Variants in MALRD1 observed in about 807,000 individuals in gnomAD.
MALRD1 encodes the protein MAM and LDL receptor class A domain containing 1.
MALRD1 carries 247 observed loss-of-function variants against 242.1 expected under a neutral mutation model. The observed-to-expected ratio is 1.02, with a 90% CI of 0.92 to 1.13. MALRD1 has a LOEUF of 1.13. Ranked by LOEUF, MALRD1 falls within the 50% of genes most tolerant of loss-of-function variation. MALRD1 has a pLI of 0.00. For synonymous variants in MALRD1, 995 were observed against 866.6 expected (o/e 1.15, Z -2.60); for missense variants, 2,989 against 2,533.1 (o/e 1.18, Z -3.86).
At chr10:19,478,134 C>A (rs1427684908) in intron 29 of MALRD1, among the ~76,000 whole-genome samples, 13 of 152,184 alleles carry the variant, frequency 8.5e-5, no homozygotes, top group Admixed American at 7.9e-4. Context: ...CAAACTCCAT[C>A]AAAATAAATC....
chr10:19,223,838 G>A (rs1837665396), intron 18 of MALRD1, among the ~76,000 whole-genome samples: 2 of 152,108 alleles, frequency 1.3e-5, no homozygotes, highest in African/African-American at 2.4e-5. Context: ...TGAGAATGAT[G>A]GTTTCCAGCT....
At chr10:19,734,086 G>A (rs540940367) in intron 39 of MALRD1, 71 bp from the exon 40 acceptor site, 22 of 1,212,022 alleles carry the variant, frequency 1.8e-5, no homozygotes, top group Admixed American at 1.1e-4. Context: ...TGCATTCTGC[G>A]TGATCTTTAA....
intron 14 of MALRD1, among the ~76,000 whole-genome samples, chr10:19,185,119 G>A (rs1835681464): frequency 6.6e-6 from 1 of 152,054 alleles, no homozygotes; most frequent in African/African-American, 2.4e-5. Flanking sequence ...GTGTATACTG[G>A]AAAATGAAGA....
At chr10:19,669,038 A>G (rs1477963893) in intron 36 of MALRD1, among the ~76,000 whole-genome samples, 2 of 152,254 alleles carry the variant, frequency 1.3e-5, no homozygotes, top group Non-Finnish European at 2.9e-5. Context: ...AGCACTATCC[A>G]TAAAGATTAT....
chr10:19,687,649 C>T (rs554350326), intron 36 of MALRD1, among the ~76,000 whole-genome samples: 24 of 152,290 alleles, frequency 1.6e-4, no homozygotes, highest in African/African-American at 5.8e-4. Context: ...TGCTTTATCC[C>T]TTCAGGATTA....
chr10:19,067,699 GC>G (rs1387347734), intron 2 of MALRD1, among the ~76,000 whole-genome samples: 1 of 151,944 alleles, frequency 6.6e-6, no homozygotes, highest in Admixed American at 6.6e-5. Context: ...TAAGTTTTGA[GC>G]CTTAGTTTTC....
At chr10:19,458,610 G>A (rs1285177013) in intron 29 of MALRD1, among the ~76,000 whole-genome samples, 1 of 152,056 alleles carries the variant, frequency 6.6e-6, no homozygotes, top group Non-Finnish European at 1.5e-5. Context: ...TTTCTTTCCC[G>A]CATGTTTCCC....
chr10:19,165,244 T>A (rs1834627947), intron 12 of MALRD1, among the ~76,000 whole-genome samples: 1 of 93,386 alleles, frequency 1.1e-5, no homozygotes, highest in South Asian at 3.3e-4. Flanking sequence ...TTGTTTGGAA[T>A]ATATATATAT....
intron 28 of MALRD1, among the ~76,000 whole-genome samples, chr10:19,394,990 G>A (rs548988422): frequency 6.6e-6 from 1 of 152,288 alleles, no homozygotes; most frequent in Non-Finnish European, 1.5e-5. Context: ...ATAGAATCTA[G>A]ATAGGGAATT....
intron 12 of MALRD1, among the ~76,000 whole-genome samples, chr10:19,162,690 A>C (rs1834485105): frequency 6.6e-6 from 1 of 152,280 alleles, no homozygotes; most frequent in Admixed American, 6.5e-5. Flanking sequence ...GTGGAGAAAA[A>C]AGTATGCTTA....
chr10:19,726,824 G>C (rs1028889590), intron 38 of MALRD1, among the ~76,000 whole-genome samples: 5 of 152,226 alleles, frequency 3.3e-5, no homozygotes, highest in African/African-American at 1.2e-4. Context: ...AAAACATTAT[G>C]CTAAGTGAAA....
At chr10:19,404,587 C>T (rs544585203) in intron 28 of MALRD1, among the ~76,000 whole-genome samples, 2 of 152,030 alleles carry the variant, frequency 1.3e-5, no homozygotes, top group African/African-American at 4.8e-5. Flanking sequence ...TAAATATAGC[C>T]AGATCATTGA....
In MALRD1 at chr10:19,205,213, G is replaced by A; in HGVS notation, c.2526G>A (p.Arg842=). The part of the protein sequence containing the change: ...RHTRACIEKL[R]LCDLVDDCGD... The stretch of plus-strand genomic sequence containing the variant: ...CCAGGGCTTGCATAGAAAAGCTTCG[G>A]TTATGTGATCTGGTGGATGACTGTG... The change falls in exon 17 of 40, where the codon CGG becomes CGA. Residue 842 remains arginine, a synonymous_variant. Transcript: ENST00000454679. The A allele has an allele frequency of 1.3e-6, 2 of 1,551,058 alleles. No individual in the cohort carries two copies. The highest frequency in any genetic ancestry group is 1.7e-6 in the Non-Finnish European group (2 of 1,147,076).
chr10:19,504,276 G>A (rs1038042178), intron 31 of MALRD1, among the ~76,000 whole-genome samples: 2 of 152,254 alleles, frequency 1.3e-5, no homozygotes, highest in African/African-American at 2.4e-5. Context: ...GTATGGATCC[G>A]AATCCAAGCC....
intron 22 of MALRD1, among the ~76,000 whole-genome samples, chr10:19,324,953 AAAATATTT>A (rs1843053570): frequency 6.8e-6 from 1 of 147,780 alleles, no homozygotes; most frequent in African/African-American, 2.5e-5. Context: ...AAGGATGTGT[AAAATATTT>A]ATTTCATCTC....
chr10:19,404,672 G>A (rs1188913547), intron 28 of MALRD1, among the ~76,000 whole-genome samples: 5 of 151,784 alleles, frequency 3.3e-5, no homozygotes, highest in Admixed American at 2.0e-4. Context: ...AGACCTCTGG[G>A]GAAGTGATTG....
chr10:19,590,276 A>G (rs140294886), intron 33 of MALRD1, among the ~76,000 whole-genome samples: 4,557 of 148,130 alleles, frequency 0.031, 120 homozygotes, highest in Non-Finnish European at 0.051. Flanking sequence ...GTATATATAC[A>G]TATTTTATAT....
At chr10:19,224,575 G>GCCA (rs755442627) in intron 18 of MALRD1, among the ~76,000 whole-genome samples, 1 of 152,188 alleles carries the variant, frequency 6.6e-6, no homozygotes, top group African/African-American at 2.4e-5. Context: ...ACAGGCGTGA[G>GCCA]CCACCACGCC....
chr10:19,532,368 C>T (rs1347064654), intron 32 of MALRD1, among the ~76,000 whole-genome samples: 3 of 152,106 alleles, frequency 2.0e-5, no homozygotes, highest in Admixed American at 1.3e-4. Flanking sequence ...GATTCTCCTG[C>T]CTCAGCATCC....
Sources: gnomAD v4.1 joint callset for allele counts (sites outside exome capture counted in the v4.1 genomes callset) on GRCh38, gnomAD v4.1.1 for gene constraint, MANE v1.5 for transcripts, NCBI Gene and HGNC (gene_info 2026-07-23, HGNC 2026-07-21) for gene names.